SLC9A7: variants seen among roughly 807,000 people sequenced by gnomAD.
SLC9A7 encodes the protein sodium/hydrogen exchanger 7.
SLC9A7 carries 19 observed loss-of-function variants against 52.6 expected under a neutral mutation model. The ratio of observed to expected loss-of-function variants is 0.36; its 90% CI spans 0.25 to 0.53. SLC9A7 has a LOEUF of 0.53. SLC9A7 is among the 20% of genes least tolerant of loss of function. The pLI is 0.91. For missense variants in SLC9A7, 455 were observed against 597.9 expected (o/e 0.76, Z 2.49); for synonymous variants, 226 against 252.1 (o/e 0.90, Z 0.98).
rs1176885850 is a variant in SLC9A7, at chrX:46,671,443, G to T, written c.680+1108C>A. Reference sequence around the variant, plus strand: ...TCCCGGCTAATTTTTTTTTTTTTTTGGATTTTTAGTAGAGACGGGGTTTCA... The same window carrying T: ...TCCCGGCTAATTTTTTTTTTTTTTTTGATTTTTAGTAGAGACGGGGTTTCA... On this transcript the variant is annotated intron_variant, in intron 4 of 16. Coordinates refer to ENST00000616978, the MANE Select transcript of SLC9A7 (RefSeq NM_001257291.2). Among the ~76,000 whole-genome samples, 49 of 101,654 alleles carry T rather than the reference G, an allele frequency of 4.8e-4. 2 individuals carry two copies. The highest frequency in any genetic ancestry group is 3.6e-3 in the Admixed American group (34 of 9,528). 88.3% of individuals were successfully genotyped at this position (101,654 alleles called of 115,157 possible).
At chrX:46,711,938 A>ACACACT (rs1204079298) in intron 1 of SLC9A7, among the ~76,000 whole-genome samples, 1 of 108,178 alleles carries the variant, frequency 9.2e-6, no homozygotes. Flanking sequence ...ACACACACAC[A>ACACACT]CTTCCACTGA....
chrX:46,679,038 C>T (rs1029798419), intron 3 of SLC9A7, among the ~76,000 whole-genome samples: 2 of 111,327 alleles, frequency 1.8e-5, no homozygotes, highest in Non-Finnish European at 3.8e-5. Flanking sequence ...CCCAATGCCC[C>T]CACCATCCCT....
intron 10 of SLC9A7, 149 bp from the exon 11 acceptor site, chrX:46,648,946 C>G (rs953405011): frequency 3.1e-5 from 13 of 419,671 alleles, no homozygotes; most frequent in African/African-American, 1.5e-4. Context: ...CTAGTTCCCC[C>G]CTAGACAAGT....
At chrX:46,688,581 G>C (rs1264833946) in intron 1 of SLC9A7, among the ~76,000 whole-genome samples, 1 of 98,460 alleles carries the variant, frequency 1.0e-5, no homozygotes, top group African/African-American at 3.9e-5. Context: ...TGGGCAACAA[G>C]AGCGAAACTC....
At chrX:46,652,950 T>C (rs968472630) in intron 8 of SLC9A7, among the ~76,000 whole-genome samples, 1 of 112,482 alleles carries the variant, frequency 8.9e-6, no homozygotes, top group Non-Finnish European at 1.9e-5. Context: ...ATTTTGCTTG[T>C]TATTGCTACT....
intron 1 of SLC9A7, among the ~76,000 whole-genome samples, chrX:46,699,330 T>C (rs1226901385): frequency 8.9e-6 from 1 of 111,928 alleles, no homozygotes; most frequent in African/African-American, 3.2e-5. Flanking sequence ...GTTGCTGTGC[T>C]GCACAGCATT....
At chrX:46,700,479 G>T (rs893551652) in intron 1 of SLC9A7, among the ~76,000 whole-genome samples, 3 of 112,125 alleles carry the variant, frequency 2.7e-5, no homozygotes, top group South Asian at 3.7e-4. Context: ...CATCAGCTAC[G>T]CTTTGAAATA....
intron 1 of SLC9A7, among the ~76,000 whole-genome samples, chrX:46,716,013 C>A (rs1210145475): frequency 9.0e-6 from 1 of 111,640 alleles, no homozygotes; most frequent in Non-Finnish European, 1.9e-5. Flanking sequence ...TTATTTCTGG[C>A]AAAAGTCCTT....
intron 7 of SLC9A7, among the ~76,000 whole-genome samples, chrX:46,653,933 A>G (rs1289044228): frequency 1.8e-5 from 2 of 111,086 alleles, no homozygotes; most frequent in African/African-American, 6.6e-5. Flanking sequence ...AGGAAGAAAC[A>G]GGGAGACATT....
Position 46,669,710 on chromosome X carries a change from C to G in SLC9A7, c.690G>C (p.Met230Ile), listed in dbSNP as rs1943987119. The part of the protein sequence containing the change: ...AVSCFIIGNL[M>I]YGVVKLMKIM... ...TCTTCATGAGCTTCACCACACCATA[C>G]ATGAGATTTCTGTAAGAAGGTAAGG... The change falls in exon 5 of 17, where the codon ATG becomes ATC. Residue 230 changes from methionine (M) to isoleucine (I), a missense_variant. Around this residue, in one of 3 missense-constraint regions of SLC9A7, gnomAD observed 304 missense variants for 417.8 expected, o/e 0.73. Coordinates refer to ENST00000616978, the MANE Select transcript of SLC9A7 (RefSeq NM_001257291.2). 9.0e-7 allele frequency: 1 copy of G among 1,108,621 alleles called. No individual in the cohort carries two copies. Among genetic ancestry groups the G allele is most frequent in the Non-Finnish European group, 1.2e-6 (1 of 821,731 alleles). The allele number at this position is 1,108,621 out of a possible 1,213,427, so 91.4% of individuals were successfully genotyped here. A position where few individuals can be genotyped will look rare whatever the true frequency, so the allele number is the denominator to read the frequency against.
At chrX:46,674,474 T>A (rs1944078193) in intron 3 of SLC9A7, among the ~76,000 whole-genome samples, 1 of 111,773 alleles carries the variant, frequency 8.9e-6, no homozygotes, top group Non-Finnish European at 1.9e-5. Context: ...CATCCAATTC[T>A]CACAATGATC....
At chrX:46,634,108 G>A (rs934845898) in intron 13 of SLC9A7, among the ~76,000 whole-genome samples, 7 of 111,905 alleles carry the variant, frequency 6.3e-5, no homozygotes, top group Admixed American at 1.9e-4. Context: ...TTTGATCCAG[G>A]ACACTGGAAC....
intron 1 of SLC9A7, among the ~76,000 whole-genome samples, chrX:46,728,210 A>G (rs142331113): frequency 0.015 from 1,670 of 112,116 alleles, 33 homozygotes; most frequent in African/African-American, 0.051. Context: ...GACACAGTTC[A>G]GGAAATGAAA....
intron 1 of SLC9A7, among the ~76,000 whole-genome samples, chrX:46,730,663 A>G (rs1159606805): frequency 3.8e-5 from 1 of 26,417 alleles, no homozygotes; most frequent in Admixed American, 8.1e-4. Flanking sequence ...GTCTCAAAAA[A>G]AAAAAATTAT....
At chrX:46,668,846 T>G (rs753510597) in intron 5 of SLC9A7, among the ~76,000 whole-genome samples, 117 of 111,531 alleles carry the variant, frequency 1.0e-3, no homozygotes, top group Middle Eastern at 4.6e-3. Flanking sequence ...GTGGGTATAC[T>G]TAACTCTACT....
chrX:46,699,505 G>A (rs759906708), intron 1 of SLC9A7, among the ~76,000 whole-genome samples: 2 of 111,829 alleles, frequency 1.8e-5, no homozygotes, highest in South Asian at 7.5e-4. Context: ...CCAAGTGTAG[G>A]TTGATTATAC....
intron 1 of SLC9A7, among the ~76,000 whole-genome samples, chrX:46,688,260 G>A (rs1362219092): frequency 4.5e-5 from 5 of 111,467 alleles, no homozygotes; most frequent in African/African-American, 1.6e-4. Flanking sequence ...AACTACATTG[G>A]GAAAAATGTA....
At chrX:46,698,423 A>G (rs1944481224) in intron 1 of SLC9A7, among the ~76,000 whole-genome samples, 1 of 112,337 alleles carries the variant, frequency 8.9e-6, no homozygotes, top group African/African-American at 3.2e-5. Context: ...CTACGTGAAT[A>G]TTGGGGCAAC....
chrX:46,633,374 A>AC (rs1943259424), intron 13 of SLC9A7, among the ~76,000 whole-genome samples: 3 of 98,950 alleles, frequency 3.0e-5, no homozygotes, highest in African/African-American at 1.1e-4. Flanking sequence ...AAAAAAAAAA[A>AC]AAAAAAACAG....
Sources: gnomAD v4.1 joint callset for allele counts (sites outside exome capture counted in the v4.1 genomes callset) on GRCh38, gnomAD v4.1.1 for gene constraint, gnomAD v4.1.1 regional missense constraint, MANE v1.5 for transcripts, NCBI Gene and HGNC (gene_info 2026-07-23, HGNC 2026-07-21) for gene names.